The following CTNNA3 variants were observed in gnomAD, a reference collection of about 807,000 sequenced individuals.
CTNNA3 encodes the protein catenin alpha 3, also known as catenin alpha-3.
CTNNA3 carries 76 observed loss-of-function variants against 95.7 expected under a neutral mutation model. The observed-to-expected ratio is 0.79, with a 90% CI of 0.66 to 0.96. The LOEUF (loss-of-function observed/expected upper bound fraction) is 0.96, where lower values mean the gene tolerates loss of function less well. Ranked by LOEUF, CTNNA3 falls within the 40% of genes least tolerant of loss-of-function variation. The probability of loss-of-function intolerance (pLI) is 0.00; values close to 1 mark genes in which losing one functional copy is unlikely to be tolerated. For missense variants in CTNNA3, 1,191 were observed against 1,089.8 expected (o/e 1.09, Z -1.31); for synonymous variants, 431 against 374.4 (o/e 1.15, Z -1.74).
chr10:67,349,798 T>C (rs982203105), intron 5 of CTNNA3, among the ~76,000 whole-genome samples: 4 of 152,156 alleles, frequency 2.6e-5, no homozygotes, highest in African/African-American at 9.7e-5. Context: ...GCTTTGCTAA[T>C]TGATTTCCTC....
chr10:67,232,040 G>A (rs1309925338), intron 5 of CTNNA3, among the ~76,000 whole-genome samples: 1 of 152,110 alleles, frequency 6.6e-6, no homozygotes, highest in Non-Finnish European at 1.5e-5. Context: ...TCTGATTGGT[G>A]TACCTGAAAG....
chr10:66,613,548 G>A (rs764162686), intron 10 of CTNNA3, among the ~76,000 whole-genome samples: 20 of 151,946 alleles, frequency 1.3e-4, no homozygotes, highest in Non-Finnish European at 2.5e-4. Context: ...GCTCATAGCT[G>A]CACCCACGCA....
chr10:67,664,942 T>C (rs1465933773), intron 1 of CTNNA3, among the ~76,000 whole-genome samples: 1 of 152,218 alleles, frequency 6.6e-6, no homozygotes, highest in African/African-American at 2.4e-5. Flanking sequence ...ATGCACAATT[T>C]AAGTTTAAAA....
intron 5 of CTNNA3, among the ~76,000 whole-genome samples, chr10:67,286,332 G>T (rs1839602958): frequency 6.6e-6 from 1 of 152,144 alleles, no homozygotes; most frequent in Non-Finnish European, 1.5e-5. Context: ...AAACTATAAA[G>T]TGAACATGTG....
intron 9 of CTNNA3, among the ~76,000 whole-genome samples, chr10:66,749,280 C>T (rs193298393): frequency 6.7e-6 from 1 of 149,816 alleles, no homozygotes; most frequent in East Asian, 2.0e-4. Flanking sequence ...ACATTGCATG[C>T]GGATTGACAA....
chr10:67,097,412 T>C (rs1049573046), intron 7 of CTNNA3, among the ~76,000 whole-genome samples: 1 of 151,898 alleles, frequency 6.6e-6, no homozygotes, highest in Non-Finnish European at 1.5e-5. Context: ...ACTGTTGCAC[T>C]GATCTCACCA....
intron 7 of CTNNA3, chr10:67,098,095 G>A (rs1858125920): frequency 1.4e-5 from 5 of 355,738 alleles, no homozygotes; most frequent in Admixed American, 4.3e-5. Context: ...ACTGTACAAA[G>A]CTAATGTATT....
chr10:67,302,038 A>C (rs184348311), intron 5 of CTNNA3, among the ~76,000 whole-genome samples: 2,326 of 109,268 alleles, frequency 0.021, 477 homozygotes, highest in African/African-American at 0.091. Context: ...AAAGAAAGAA[A>C]GAAAGAAAGA....
chr10:67,558,862 C>T (rs369390798), intron 3 of CTNNA3, among the ~76,000 whole-genome samples: 18 of 152,280 alleles, frequency 1.2e-4, no homozygotes, highest in East Asian at 3.9e-4. Context: ...GAGGGTCCTA[C>T]GCCCACGGAG....
intron 1 of CTNNA3, among the ~76,000 whole-genome samples, chr10:67,760,428 A>G (rs568984289): frequency 6.6e-6 from 1 of 152,316 alleles, no homozygotes; most frequent in South Asian, 2.1e-4. Context: ...CTGTCTGCCA[A>G]TACACTCATG....
rs116062401 is a variant in CTNNA3, at chr10:66,994,927, G to A, written c.1047+185390C>T. Among the ~76,000 whole-genome samples, 323 of 152,284 alleles carry A rather than the reference G, an allele frequency of 2.1e-3. 4 individuals carry two copies. The highest frequency in any genetic ancestry group is 7.4e-3 in the African/African-American group (308 of 41,566). ...GCAACAAGTGGAAAACATGGGCTCA[G>A]CTAATACCACAACACACTGCCAAGA... On this transcript the variant is annotated intron_variant, in intron 7 of 17. Transcript: ENST00000433211.
At chr10:66,527,056 T>G (rs1362526780) in intron 10 of CTNNA3, among the ~76,000 whole-genome samples, 4 of 152,200 alleles carry the variant, frequency 2.6e-5, no homozygotes, top group Non-Finnish European at 5.9e-5. Flanking sequence ...TTCTATATTT[T>G]TAGTCACTAT....
At chr10:66,323,278 A>T (rs547087552) in intron 12 of CTNNA3, among the ~76,000 whole-genome samples, 10 of 152,114 alleles carry the variant, frequency 6.6e-5, no homozygotes, top group African/African-American at 2.4e-4. Context: ...TTAATCATCA[A>T]GGGTTGTATT....
chr10:66,672,037 T>C (rs949678621), intron 9 of CTNNA3, among the ~76,000 whole-genome samples: 4 of 152,110 alleles, frequency 2.6e-5, no homozygotes, highest in African/African-American at 9.7e-5. Context: ...CATTAGGATA[T>C]AGAGGCAAAC....
At chr10:67,140,697 A>T (rs1860516806) in intron 7 of CTNNA3, among the ~76,000 whole-genome samples, 2 of 152,328 alleles carry the variant, frequency 1.3e-5, no homozygotes, top group African/African-American at 4.8e-5. Context: ...GAAAATGGTA[A>T]AACAAAGTCC....
At chr10:66,731,677 T>G (rs1848964500) in intron 9 of CTNNA3, among the ~76,000 whole-genome samples, 1 of 152,208 alleles carries the variant, frequency 6.6e-6, no homozygotes, top group Admixed American at 6.5e-5. Flanking sequence ...AATTTCACTT[T>G]CCCTAGCTAA....
At chr10:66,066,909 CT>C (rs1204959687) in intron 15 of CTNNA3, among the ~76,000 whole-genome samples, 1 of 152,010 alleles carries the variant, frequency 6.6e-6, no homozygotes, top group Non-Finnish European at 1.5e-5. Context: ...TCTATAGACT[CT>C]TTTCATGTGG....
At chr10:66,461,425 A>G (rs890448639) in intron 11 of CTNNA3, among the ~76,000 whole-genome samples, 4 of 152,130 alleles carry the variant, frequency 2.6e-5, no homozygotes, top group Admixed American at 1.3e-4. Context: ...AATAAAAAGA[A>G]GTAAAAAGTG....
At chr10:66,345,943 G>T (rs1589120054) in intron 12 of CTNNA3, among the ~76,000 whole-genome samples, 1 of 151,250 alleles carries the variant, frequency 6.6e-6, no homozygotes, top group Non-Finnish European at 1.5e-5. Context: ...TGGGAGTGGT[G>T]GTGTGCACCT....
Sources: gnomAD v4.1 joint callset for allele counts (sites outside exome capture counted in the v4.1 genomes callset) on GRCh38, gnomAD v4.1.1 for gene constraint, MANE v1.5 for transcripts, NCBI Gene and HGNC (gene_info 2026-07-23, HGNC 2026-07-21) for gene names.